Variants in TULP4 observed in about 807,000 individuals in gnomAD.
The protein encoded by TULP4 is tubby-related protein 4.
TULP4 carries 16 observed loss-of-function variants against 129.0 expected under a neutral mutation model. The observed-to-expected ratio is 0.12, with a 90% CI of 0.08 to 0.19. The LOEUF (loss-of-function observed/expected upper bound fraction) is 0.19, where lower values mean the gene tolerates loss of function less well. Ranked by LOEUF, TULP4 falls within the 10% of genes least tolerant of loss-of-function variation. TULP4 has a pLI of 1.00. For missense variants in TULP4, 1,842 were observed against 2,059.1 expected (o/e 0.89, Z 2.04); for synonymous variants, 998 against 854.0 (o/e 1.17, Z -2.94).
At chr6:158,431,102 C>T (rs1778617547) in intron 3 of TULP4, among the ~76,000 whole-genome samples, 1 of 151,968 alleles carries the variant, frequency 6.6e-6, no homozygotes, top group Admixed American at 6.6e-5. Context: ...TCCAATTATC[C>T]CCTAGTATTT....
chr6:158,446,959 A>G (rs948026355), intron 3 of TULP4, among the ~76,000 whole-genome samples: 1 of 152,154 alleles, frequency 6.6e-6, no homozygotes, highest in Non-Finnish European at 1.5e-5. Context: ...AATACCATCA[A>G]CATAAATTGG....
upstream of TULP4, among the ~76,000 whole-genome samples, chr6:158,307,906 C>T (rs1779245282): frequency 6.6e-6 from 1 of 151,832 alleles, no homozygotes; most frequent in Admixed American, 6.6e-5. Flanking sequence ...AACATCACCC[C>T]CAGTTACGTG....
rs575189461 is a variant in TULP4 at position 158,354,664 on chromosome 6, G to A, written c.252+40396G>A. ...TCCCAGCACTTTAGGAGGCCAAGGC[G>A]GGAGGATCACTTAAGGTCAGGGATT... On this transcript the variant is annotated intron_variant, in intron 1 of 13. Coordinates refer to ENST00000367097, the MANE Select transcript of TULP4 (RefSeq NM_020245.5). Among the ~76,000 whole-genome samples the A allele has an allele frequency of 2.6e-5, 4 of 152,238 alleles. No individual in the cohort carries two copies. The South Asian group carries it at 6.2e-4, about 24-fold the overall frequency.
intron 1 of TULP4, among the ~76,000 whole-genome samples, chr6:158,241,462 A>G (rs1777908443): frequency 6.6e-6 from 1 of 150,910 alleles, no homozygotes; most frequent in Non-Finnish European, 1.5e-5. Context: ...ACCATTGAGC[A>G]CTGAGTGAAC....
Position 158,493,867 on chromosome 6 carries a change from G to A in TULP4, c.1776+150G>A, listed in dbSNP as rs984543773. 15 of 877,300 alleles carry A rather than the reference G, an allele frequency of 1.7e-5. No individual in the cohort carries two copies. Among genetic ancestry groups the A allele is most frequent in the East Asian group, 1.6e-4 (5 of 30,844 alleles). 54.3% of individuals were successfully genotyped at this position (877,300 alleles called of 1,614,324 possible). ...CTGCACACCACCTACTACCTCAGGA[G>A]TAGCCCTCAGGTGGAGCTCTGGCTT... is the stretch of plus-strand genomic sequence containing the variant. On this transcript the variant is annotated intron_variant, in intron 10 of 13. Coordinates refer to ENST00000367097, the MANE Select transcript of TULP4 (RefSeq NM_020245.5). This position sits in a 1 kb window ranked among gnomAD's most constrained non-coding sequence, Gnocchi z 4.4.
intron 1 of TULP4, among the ~76,000 whole-genome samples, chr6:158,331,800 C>T (rs1471616718): frequency 3.2e-5 from 4 of 126,016 alleles, no homozygotes; most frequent in African/African-American, 5.7e-5. Flanking sequence ...TACCTACATA[C>T]ACACATTCAG....
chr6:158,243,009 G>A (rs1372498589), intron 1 of TULP4, among the ~76,000 whole-genome samples: 1 of 152,046 alleles, frequency 6.6e-6, no homozygotes, highest in African/African-American at 2.4e-5. Flanking sequence ...GGCTGGTCTC[G>A]AACTCCTGAC....
At chr6:158,278,945 T>G (rs1316978640), upstream of TULP4, among the ~76,000 whole-genome samples, 25 of 70,650 alleles carry the variant, frequency 3.5e-4, no homozygotes, top group South Asian at 8.0e-3. Flanking sequence ...TTTTTTGTTT[T>G]TTTTTTTTTT....
At chr6:158,283,445 T>A (rs1343306776) in intron 1 of TULP4, among the ~76,000 whole-genome samples, 1 of 152,212 alleles carries the variant, frequency 6.6e-6, no homozygotes, top group East Asian at 1.9e-4. Context: ...AGGTTTTGGC[T>A]TGTGCTCTGA....
At chr6:158,268,782 CTCTATTTTTATATGACTTTTT>C (rs1337828566) in intron 1 of TULP4, among the ~76,000 whole-genome samples, 1 of 152,224 alleles carries the variant, frequency 6.6e-6, no homozygotes, top group South Asian at 2.1e-4. Flanking sequence ...TGATTTTTGG[CTCTATTTTTATATGACTTTTT>C]TCTATTTTTA....
intron 3 of TULP4, among the ~76,000 whole-genome samples, chr6:158,439,435 C>T (rs914512174): frequency 2.6e-5 from 4 of 151,932 alleles, no homozygotes; most frequent in African/African-American, 9.7e-5. Context: ...GCAGCTTTCT[C>T]TTCCTCCCTA....
At chr6:158,485,028 G>T (rs1384134117) in intron 8 of TULP4, among the ~76,000 whole-genome samples, 1 of 152,246 alleles carries the variant, frequency 6.6e-6, no homozygotes, top group Non-Finnish European at 1.5e-5. Flanking sequence ...TAGAAATACG[G>T]ATGTTAAGGG....
intron 1 of TULP4, among the ~76,000 whole-genome samples, chr6:158,305,584 A>G (rs916689609): frequency 2.0e-5 from 3 of 151,828 alleles, no homozygotes; most frequent in Admixed American, 6.6e-5. Flanking sequence ...ACGCACCTGT[A>G]GTCTCAGCTA....
At chr6:158,351,888 A>AT (rs1184870237) in intron 1 of TULP4, among the ~76,000 whole-genome samples, 3 of 151,072 alleles carry the variant, frequency 2.0e-5, no homozygotes, top group Non-Finnish European at 4.4e-5. Context: ...CACCCAGCTA[A>AT]TTTTTGTATT....
intron 1 of TULP4, among the ~76,000 whole-genome samples, chr6:158,326,970 T>G (rs1031456097): frequency 6.6e-5 from 10 of 152,226 alleles, no homozygotes; most frequent in Admixed American, 2.0e-4. Context: ...ATGCTTAAGT[T>G]CTTGTGGGCT....
At chr6:158,416,847 A>G (rs998147331) in intron 2 of TULP4, among the ~76,000 whole-genome samples, 4 of 152,156 alleles carry the variant, frequency 2.6e-5, no homozygotes, top group Non-Finnish European at 5.9e-5. Flanking sequence ...TTTATACTGT[A>G]TTCTTACTGT....
chr6:158,293,470 G>A (rs561393557), intron 1 of TULP4, among the ~76,000 whole-genome samples: 1 of 152,304 alleles, frequency 6.6e-6, no homozygotes, highest in East Asian at 1.9e-4. Context: ...ATAAAAATTG[G>A]AGTAAAACAT....
At chr6:158,333,273 A>C (rs1410538028) in intron 1 of TULP4, among the ~76,000 whole-genome samples, 2 of 152,154 alleles carry the variant, frequency 1.3e-5, no homozygotes, top group African/African-American at 4.8e-5. Context: ...TGAAGTCATG[A>C]GGGTGGGGCC....
At chr6:158,266,090 T>A (rs1350522460) in intron 1 of TULP4, among the ~76,000 whole-genome samples, 1 of 152,236 alleles carries the variant, frequency 6.6e-6, no homozygotes, top group East Asian at 1.9e-4. Context: ...CTCTTAAGCA[T>A]AGCATTCTCT....
Sources: gnomAD v4.1 joint callset for allele counts (sites outside exome capture counted in the v4.1 genomes callset) on GRCh38, gnomAD v4.1.1 for gene constraint, Gnocchi (gnomAD v3.1) non-coding constraint, MANE v1.5 for transcripts, NCBI Gene and HGNC (gene_info 2026-07-23, HGNC 2026-07-21) for gene names.